PSD4: variants seen among roughly 807,000 people sequenced by gnomAD.
PSD4 encodes the protein pleckstrin and Sec7 domain containing 4.
Under a neutral mutation model 112.5 loss-of-function variants are expected in PSD4, and 59 were observed. The observed-to-expected ratio is 0.52, with a 90% CI of 0.43 to 0.65. The LOEUF (loss-of-function observed/expected upper bound fraction) is 0.65. Among genes scored for constraint, PSD4 ranks in the 30% least tolerant of loss-of-function variants. The pLI, the probability that PSD4 is intolerant of heterozygous loss-of-function variation, is 0.00. For missense variants in PSD4, 1,267 were observed against 1,352.6 expected (o/e 0.94, Z 0.99); for synonymous variants, 533 against 540.0 (o/e 0.99, Z 0.18).
intron 11 of PSD4, 68 bp downstream of exon 11, chr2:113,195,838 G>A: frequency 1.3e-6 from 2 of 1,588,700 alleles, no homozygotes. Flanking sequence ...TCCTCCCTCT[G>A]TCACCCACCC....
intron 1 of PSD4, among the ~76,000 whole-genome samples, chr2:113,175,882 A>G (rs1687961273): frequency 6.6e-6 from 1 of 152,230 alleles, no homozygotes. Context: ...ACCAAGGGCC[A>G]GGCCCAGCAC....
intron 1 of PSD4, among the ~76,000 whole-genome samples, chr2:113,178,460 CT>C (rs1688036128): frequency 1.3e-5 from 2 of 150,678 alleles, no homozygotes; most frequent in African/African-American, 4.9e-5. Flanking sequence ...GCAAGGAACG[CT>C]GGTTTTTTTC....
At chr2:113,197,951 C>A in intron 14 of PSD4, 38 bp downstream of exon 14, 2 of 1,512,168 alleles carry the variant, frequency 1.3e-6, no homozygotes, top group Middle Eastern at 2.5e-4. Context: ...CAAGGCCTTG[C>A]CCTGCCCTAG....
At chr2:113,185,111 T>A (rs756011802) in intron 3 of PSD4, 38 bp downstream of exon 3, 12 of 1,613,592 alleles carry the variant, frequency 7.4e-6, no homozygotes, top group Non-Finnish European at 1.0e-5. Context: ...ACTTTCTCCA[T>A]CTTTGGAGGA....
chr2:113,196,049 C>G lies in PSD4; in HGVS notation c.2226-98C>G, dbSNP rs1688599554. On this transcript the variant is annotated intron_variant, in intron 11 of 16. Coordinates refer to ENST00000245796, the MANE Select transcript of PSD4 (RefSeq NM_012455.3). ...GTGGGGGGTCCTGGGGTGTGGCTTCCCAGGAAAAGAGAGGTTGCTAAGGCT... is the reference window on the plus strand; with the variant it reads ...GTGGGGGGTCCTGGGGTGTGGCTTCGCAGGAAAAGAGAGGTTGCTAAGGCT... 29 of 1,458,510 alleles carry G rather than the reference C, an allele frequency of 2.0e-5. No homozygotes were observed. In the South Asian group the frequency reaches 3.7e-4, roughly 19 times the overall value. 90.3% of individuals were successfully genotyped at this position (1,458,510 alleles called of 1,614,324 possible). A position where few individuals can be genotyped will look rare whatever the true frequency, so the allele number is the denominator to read the frequency against.
chr2:113,177,086 G>C (rs1255860946), intron 1 of PSD4, among the ~76,000 whole-genome samples: 1 of 152,200 alleles, frequency 6.6e-6, no homozygotes, highest in African/African-American at 2.4e-5. Flanking sequence ...CTTTCTGTTC[G>C]GGTTGCTGCC....
intron 1 of PSD4, among the ~76,000 whole-genome samples, chr2:113,180,634 A>G (rs1290873897): frequency 6.6e-6 from 1 of 150,936 alleles, no homozygotes; most frequent in African/African-American, 2.4e-5. Flanking sequence ...TCATTAAGCC[A>G]GACTCAGGCT....
chr2:113,188,649 C>T (rs1035884842), intron 5 of PSD4, among the ~76,000 whole-genome samples: 6 of 151,500 alleles, frequency 4.0e-5, no homozygotes, highest in African/African-American at 7.3e-5. Flanking sequence ...GGCGTGATCT[C>T]GGCTCACTGC....
At position 113,196,341 on chromosome 2, in the gene PSD4, G is replaced by C. The variant is rs770383785; in HGVS notation, c.2386+34G>C. The stretch of plus-strand genomic sequence containing the variant: ...CTGCTGCCCACAAACAGGGTGGCGT[G>C]CTGGGAGCAGCCCTGCTCAGGGACC... On this transcript the variant is annotated intron_variant, in intron 12 of 16. Transcript: ENST00000245796. 11 of 1,594,112 alleles carry C rather than the reference G, an allele frequency of 6.9e-6. No homozygotes were observed. In the Admixed American group the frequency reaches 1.2e-4, roughly 17 times the overall value.
intron 12 of PSD4, chr2:113,197,116 T>G: frequency 1.3e-5 from 3 of 229,420 alleles, no homozygotes; most frequent in Non-Finnish European, 8.8e-6. Flanking sequence ...GTGCTCAGAG[T>G]GGGGTACACA....
chr2:113,198,866 C>A lies in PSD4; in HGVS notation c.2751C>A (p.Gly917=). Residue 917 remains glycine (G), a synonymous_variant, in exon 15 of 17, where the codon GGC becomes GGA. Coordinates refer to ENST00000245796, the MANE Select transcript of PSD4 (RefSeq NM_012455.3). The part of the protein sequence containing the change: ...RRFVRPILPV[G]PAQSSLEEQH... ...TCGTGCGGCCCATCCTGCCCGTGGG[C>A]CCCGCCCAGAGCTCCCTGGTACGGC... The A allele has an allele frequency of 2.5e-6, 4 of 1,593,096 alleles. No homozygotes were observed. Among genetic ancestry groups the A allele is most frequent in the Non-Finnish European group, 3.4e-6 (4 of 1,176,440 alleles).
At chr2:113,195,630 G>A (rs1370886193) in intron 10 of PSD4, 97 bp from the exon 11 acceptor site, 2 of 1,347,372 alleles carry the variant, frequency 1.5e-6, no homozygotes, top group Admixed American at 1.8e-5. Flanking sequence ...GAGGAGGCAG[G>A]CTGTACACAT....
intron 14 of PSD4, 66 bp from the exon 15 acceptor site, chr2:113,198,674 G>A: frequency 6.8e-7 from 1 of 1,478,360 alleles, no homozygotes; most frequent in Non-Finnish European, 9.0e-7. Flanking sequence ...GCCACAGGAG[G>A]GGGCGGGAGG....
At position 113,197,544 on chromosome 2, in the gene PSD4, G is replaced by A. The variant is rs199589852; in HGVS notation, c.2387-20G>A. The A allele has an allele frequency of 3.1e-6, 5 of 1,613,838 alleles. No homozygotes were observed. The East Asian group carries it at 1.1e-4, about 36-fold the overall frequency. On this transcript the variant is annotated intron_variant, in intron 12 of 16. Coordinates refer to ENST00000245796, the MANE Select transcript of PSD4 (RefSeq NM_012455.3). ...GCTGGTGCCCCCACCTACAACATTT[G>A]TGTTCTGTTCCTGGAACAGCGCCAT...
intron 2 of PSD4, 83 bp downstream of exon 2, chr2:113,183,595 A>T: frequency 7.6e-7 from 1 of 1,311,886 alleles, no homozygotes; most frequent in Non-Finnish European, 1.0e-6. Flanking sequence ...CAGGCCCAGA[A>T]CATTCTTTTC....
At chr2:113,192,674 CCCCTTCCCGTCCCTGCCCTGTT>C in intron 6 of PSD4, 85 bp downstream of exon 6, 1 of 1,400,864 alleles carries the variant, frequency 7.1e-7, no homozygotes, top group South Asian at 1.3e-5. Flanking sequence ...TGGCCACCCT[CCCCTTCCCGTCCCTGCCCTGTT>C]CCCTTCCCAT....
intron 1 of PSD4, among the ~76,000 whole-genome samples, chr2:113,175,113 G>T (rs1687935280): frequency 1.3e-5 from 2 of 152,104 alleles, no homozygotes; most frequent in Admixed American, 6.5e-5. Context: ...CACAGAAGGG[G>T]TGAGGGATGT....
chr2:113,175,408 G>A (rs1344911543), intron 1 of PSD4: 1 of 152,292 alleles, frequency 6.6e-6, no homozygotes, highest in Non-Finnish European at 1.5e-5. Context: ...CTCTTTCTGT[G>A]TGGGCAGGAT....
At chr2:113,192,098 C>A (rs1025166028) in intron 5 of PSD4, among the ~76,000 whole-genome samples, 1 of 151,702 alleles carries the variant, frequency 6.6e-6, no homozygotes, top group African/African-American at 2.4e-5. Flanking sequence ...CAGGGATGCA[C>A]CTGCCACCTG....
Sources: gnomAD v4.1 joint callset for allele counts (sites outside exome capture counted in the v4.1 genomes callset) on GRCh38, gnomAD v4.1.1 for gene constraint, MANE v1.5 for transcripts, NCBI Gene and HGNC (gene_info 2026-07-23, HGNC 2026-07-21) for gene names.